GRM8: variants seen among roughly 807,000 people sequenced by gnomAD.
GRM8 encodes metabotropic glutamate receptor 8.
Under a neutral mutation model 87.2 loss-of-function variants are expected in GRM8, and 47 were observed. The ratio of observed to expected loss-of-function variants is 0.54; its 90% CI spans 0.43 to 0.69. The LOEUF is 0.69. Ranked by LOEUF, GRM8 falls within the 30% of genes least tolerant of loss-of-function variation. GRM8 has a pLI of 0.00. For missense variants in GRM8, 1,019 were observed against 1,139.2 expected (o/e 0.89, Z 1.52); for synonymous variants, 396 against 404.5 (o/e 0.98, Z 0.25).
chr7:126,522,500 TTTTA>T (rs1358480009), intron 9 of GRM8, among the ~76,000 whole-genome samples: 1 of 152,192 alleles, frequency 6.6e-6, no homozygotes, highest in Admixed American at 6.5e-5. Flanking sequence ...ACTATCCTTG[TTTTA>T]TAGTAATCAT....
intron 3 of GRM8, among the ~76,000 whole-genome samples, chr7:127,084,960 C>A (rs1212964058): frequency 6.6e-6 from 1 of 152,184 alleles, no homozygotes; most frequent in African/African-American, 2.4e-5. Flanking sequence ...CAAACCCTCG[C>A]CCAACCCTCC....
chr7:126,885,272 G>C (rs1019710111), intron 6 of GRM8, among the ~76,000 whole-genome samples: 1 of 152,178 alleles, frequency 6.6e-6, no homozygotes, highest in African/African-American at 2.4e-5. Flanking sequence ...CCCACCCTGA[G>C]TGTATTCATA....
chr7:126,620,202 C>T (rs1241748770), intron 7 of GRM8, among the ~76,000 whole-genome samples: 1 of 152,122 alleles, frequency 6.6e-6, no homozygotes. Context: ...GTAGAAACAT[C>T]GCTTGAGACC....
intron 6 of GRM8, among the ~76,000 whole-genome samples, chr7:126,786,863 G>T (rs1344828488): frequency 6.6e-6 from 1 of 152,146 alleles, no homozygotes; most frequent in African/African-American, 2.4e-5. Context: ...TGATTAATCT[G>T]ACAAAGCGTT....
At chr7:126,559,150 C>CT (rs551929723) in intron 8 of GRM8, among the ~76,000 whole-genome samples, 44,181 of 122,004 alleles carry the variant, frequency 0.36, 7,923 homozygotes, top group East Asian at 0.43. Flanking sequence ...TAATCTTTTG[C>CT]TTTTTTTTTT....
chr7:127,196,390 T>C (rs1795277737), intron 2 of GRM8, among the ~76,000 whole-genome samples: 1 of 152,014 alleles, frequency 6.6e-6, no homozygotes, highest in Non-Finnish European at 1.5e-5. Context: ...GTGGTTTGCA[T>C]GCCTGTAGTC....
At chr7:126,532,673 A>C (rs1454262481) in intron 9 of GRM8, among the ~76,000 whole-genome samples, 9 of 151,220 alleles carry the variant, frequency 6.0e-5, no homozygotes, top group African/African-American at 2.2e-4. Context: ...TCAATCTTCA[A>C]CCTTGCCAAG....
At chr7:126,867,779 G>A (rs996975852) in intron 6 of GRM8, among the ~76,000 whole-genome samples, 6 of 152,148 alleles carry the variant, frequency 3.9e-5, no homozygotes, top group Non-Finnish European at 2.9e-5. Context: ...AGGAAAAGAT[G>A]TTGTCATCTA....
intron 7 of GRM8, among the ~76,000 whole-genome samples, chr7:126,739,165 A>G (rs1381697487): frequency 6.6e-6 from 1 of 152,054 alleles, no homozygotes; most frequent in Non-Finnish European, 1.5e-5. Context: ...CAACCACTAC[A>G]TTTAAAAGGA....
At chr7:127,144,999 G>GCAAAATATTTGCA (rs1828477680) in intron 2 of GRM8, among the ~76,000 whole-genome samples, 1 of 151,974 alleles carries the variant, frequency 6.6e-6, no homozygotes, top group South Asian at 2.1e-4. Flanking sequence ...TTTGCATTAA[G>GCAAAATATTTGCA]TCGACAAACA....
At chr7:126,787,080 C>T (rs1820699298) in intron 6 of GRM8, among the ~76,000 whole-genome samples, 1 of 152,164 alleles carries the variant, frequency 6.6e-6, no homozygotes, top group South Asian at 2.1e-4. Flanking sequence ...ATTATCTCCT[C>T]TAAATAGCCA....
chr7:126,993,504 G>T (rs1411016034), intron 3 of GRM8, among the ~76,000 whole-genome samples: 2 of 152,088 alleles, frequency 1.3e-5, no homozygotes, highest in Non-Finnish European at 2.9e-5. Flanking sequence ...CACAATAAAA[G>T]CACCTTCATA....
chr7:126,637,419 C>T (rs1801972041), intron 7 of GRM8, among the ~76,000 whole-genome samples: 1 of 151,674 alleles, frequency 6.6e-6, no homozygotes, highest in African/African-American at 2.4e-5. Context: ...CATCACGAAA[C>T]TCAAAAATAA....
At chr7:127,086,785 G>T (rs961196117) in intron 3 of GRM8, among the ~76,000 whole-genome samples, 3 of 152,198 alleles carry the variant, frequency 2.0e-5, no homozygotes, top group Non-Finnish European at 2.9e-5. Flanking sequence ...GTGACCAAGG[G>T]ACATCTCCTG....
intron 9 of GRM8, among the ~76,000 whole-genome samples, chr7:126,504,803 A>T (rs944450215): frequency 6.6e-6 from 1 of 152,086 alleles, no homozygotes; most frequent in African/African-American, 2.4e-5. Context: ...CATATTTACC[A>T]GTGTTTACAC....
At chr7:127,182,694 T>G (rs1223874202) in intron 2 of GRM8, among the ~76,000 whole-genome samples, 1 of 149,784 alleles carries the variant, frequency 6.7e-6, no homozygotes, top group Non-Finnish European at 1.5e-5. Flanking sequence ...TAGACAGATA[T>G]ATGATGGAAT....
chr7:126,887,032 T>C (rs1404712009), intron 6 of GRM8, among the ~76,000 whole-genome samples: 1 of 152,020 alleles, frequency 6.6e-6, no homozygotes, highest in Non-Finnish European at 1.5e-5. Flanking sequence ...AAGGGCCAGG[T>C]GGACTAAGGA....
intron 7 of GRM8, among the ~76,000 whole-genome samples, chr7:126,711,987 T>C (rs376345500): frequency 1.8e-4 from 28 of 152,230 alleles, no homozygotes; most frequent in African/African-American, 5.5e-4. Context: ...TTTCTCATCA[T>C]TTGTGTGTTC....
chr7:126,714,808 T>G (rs923347715), intron 7 of GRM8, among the ~76,000 whole-genome samples: 1 of 152,066 alleles, frequency 6.6e-6, no homozygotes, highest in Non-Finnish European at 1.5e-5. Flanking sequence ...TAACACATAT[T>G]TTATATGATA....
Sources: allele counts gnomAD v4.1 joint callset (sites outside exome capture counted in the v4.1 genomes callset), GRCh38; gene constraint gnomAD v4.1.1; transcripts MANE v1.5; gene names NCBI Gene and HGNC (gene_info 2026-07-23, HGNC 2026-07-21).